The following PIGK variants were observed in gnomAD, a reference collection of about 807,000 sequenced individuals.
PIGK encodes the protein phosphatidylinositol glycan anchor biosynthesis class K, also known as GPI-anchor transamidase.
In PIGK, 42 loss-of-function variants were observed where a neutral mutation model predicts 50.6. The ratio of observed to expected loss-of-function variants is 0.83; its 90% CI spans 0.65 to 1.07. The LOEUF is 1.07. PIGK is among the 50% of genes least tolerant of loss of function. PIGK has a pLI of 0.00. For synonymous variants in PIGK, 151 were observed against 156.0 expected (o/e 0.97, Z 0.24); for missense variants, 448 against 488.7 (o/e 0.92, Z 0.78).
chr1:77,188,209 C>G (rs1392797199), intron 3 of PIGK, among the ~76,000 whole-genome samples: 1 of 152,160 alleles, frequency 6.6e-6, no homozygotes, highest in Admixed American at 6.5e-5. Context: ...CCGGGCAGAA[C>G]AGAGCCATAT....
chr1:77,180,596 G>A (rs1310689365), intron 3 of PIGK, among the ~76,000 whole-genome samples: 1 of 151,696 alleles, frequency 6.6e-6, no homozygotes, highest in Non-Finnish European at 1.5e-5. Flanking sequence ...TACCTAAGGT[G>A]GTTAGAGCAC....
At chr1:77,103,354 T>C (rs1473428821) in intron 10 of PIGK, among the ~76,000 whole-genome samples, 2 of 152,208 alleles carry the variant, frequency 1.3e-5, no homozygotes, top group Admixed American at 6.5e-5. Flanking sequence ...CTGAGAAAAA[T>C]AACCCATAGT....
rs766998901 is a variant in PIGK at position 77,122,318 on chromosome 1, A to T, written c.1028T>A (p.Leu343Gln). 6.2e-7 allele frequency: 1 copy of T among 1,607,766 alleles called. No individual in the cohort carries two copies. Among genetic ancestry groups the T allele is most frequent in the East Asian group, 2.2e-5 (1 of 44,724 alleles). ...TACAGGAAGTTGTTCAGCATATTTCAGAGGTTCCATTAGTTTCTCATCCAT... is the reference window on the plus strand; with the variant it reads ...TACAGGAAGTTGTTCAGCATATTTCTGAGGTTCCATTAGTTTCTCATCCAT... ...DQMDEKLMEPLKYAEQLPVAQ... is the reference protein window; with the variant it reads ...DQMDEKLMEPQKYAEQLPVAQ... Residue 343 changes from leucine (L) to glutamine (Q), a missense_variant, in exon 10 of 11, where the codon CTG becomes CAG. Coordinates refer to ENST00000370812, the MANE Select transcript of PIGK (RefSeq NM_005482.3).
intron 10 of PIGK, among the ~76,000 whole-genome samples, chr1:77,097,193 C>G (rs527911760): frequency 6.6e-6 from 1 of 152,132 alleles, no homozygotes; most frequent in East Asian, 1.9e-4. Flanking sequence ...CAAATCAAGC[C>G]CTCAGTTTAG....
intron 2 of PIGK, among the ~76,000 whole-genome samples, chr1:77,208,734 A>G (rs1557432736): frequency 6.6e-6 from 1 of 152,194 alleles, no homozygotes; most frequent in Non-Finnish European, 1.5e-5. Flanking sequence ...GAACAAGAAA[A>G]TGAGCCATGG....
chr1:77,206,824 T>C, intron 2 of PIGK, 93 bp from the exon 3 acceptor site: 2 of 714,494 alleles, frequency 2.8e-6, no homozygotes, highest in Non-Finnish European at 4.9e-6. Flanking sequence ...CAGAGATCTC[T>C]AAGAAACAGT....
intron 10 of PIGK, among the ~76,000 whole-genome samples, chr1:77,098,166 T>A (rs1360409267): frequency 6.6e-6 from 1 of 152,066 alleles, no homozygotes; most frequent in East Asian, 1.9e-4. Context: ...GGAAACAAAA[T>A]CAATTTTGTT....
chr1:77,194,596 T>C (rs1008933857), intron 3 of PIGK, among the ~76,000 whole-genome samples: 3 of 123,998 alleles, frequency 2.4e-5, no homozygotes, highest in Admixed American at 2.1e-4. Context: ...TGGGTACACA[T>C]GGACACAAAG....
intron 9 of PIGK, among the ~76,000 whole-genome samples, chr1:77,137,124 C>T (rs1654537616): frequency 6.6e-6 from 1 of 152,134 alleles, no homozygotes; most frequent in Non-Finnish European, 1.5e-5. Context: ...CAAATCTAGG[C>T]CACAAAACGT....
At position 77,219,346 on chromosome 1, in the gene PIGK, G is replaced by C. The variant is rs1267870375; in HGVS notation, c.57C>G (p.Leu19=). The change falls in exon 1 of 11, where the codon CTC becomes CTG. Residue 19 remains leucine, a synonymous_variant. Coordinates refer to ENST00000370812, the MANE Select transcript of PIGK (RefSeq NM_005482.3). ...TAGCGGCCACGCTGCCGAAGGACAA[G>C]AGCAACACAGTTGCCAAGACAGTCG... ...RAATVLATVL[L]LSFGSVAASH... 6.2e-7 allele frequency: 1 copy of C among 1,613,798 alleles called. No individual in the cohort carries two copies. The highest frequency in any genetic ancestry group is 8.5e-7 in the Non-Finnish European group (1 of 1,179,830).
chr1:77,097,591 C>T (rs781543268), intron 10 of PIGK, among the ~76,000 whole-genome samples: 71 of 152,006 alleles, frequency 4.7e-4, no homozygotes, highest in Non-Finnish European at 7.5e-4. Context: ...TTTCCTTAAT[C>T]GTGATTTTAA....
chr1:77,210,458 T>C lies in PIGK; in HGVS notation c.125A>G (p.His42Arg). The C allele has an allele frequency of 6.3e-7, 1 of 1,595,076 alleles. No individual in the cohort carries two copies. The highest frequency in any genetic ancestry group is 2.2e-5 in the East Asian group (1 of 44,452). The change falls in exon 2 of 11, where the codon CAT becomes CGT. Residue 42 changes from histidine (H) to arginine (R), a missense_variant. Physicochemically the swap from His to Arg is conservative, Grantham distance 29 (BLOSUM62 0). Coordinates refer to ENST00000370812, the MANE Select transcript of PIGK (RefSeq NM_005482.3). Reference sequence around the variant, plus strand: ...TACCAGAACAGCCCAGTTGTTTGTATGGCCACTTCTAAAGAATTGTTCTGC... The same window carrying C: ...TACCAGAACAGCCCAGTTGTTTGTACGGCCACTTCTAAAGAATTGTTCTGC... ...DQAEQFFRSG[H>R]TNNWAVLVCT... is the part of the protein sequence containing the mutation.
intron 10 of PIGK, among the ~76,000 whole-genome samples, chr1:77,116,562 C>CTGTGTG (rs763119489): frequency 1.9e-3 from 253 of 135,086 alleles, no homozygotes; most frequent in African/African-American, 4.7e-3. Flanking sequence ...AAATGTGTCT[C>CTGTGTG]TGTGTGTGTG....
At chr1:77,110,124 T>G (rs907612760) in intron 10 of PIGK, among the ~76,000 whole-genome samples, 1 of 152,176 alleles carries the variant, frequency 6.6e-6, no homozygotes, top group African/African-American at 2.4e-5. Context: ...CACAAACAAA[T>G]GGAAGACTAT....
At chr1:77,152,694 CA>C (rs925115417) in intron 9 of PIGK, among the ~76,000 whole-genome samples, 4 of 149,576 alleles carry the variant, frequency 2.7e-5, no homozygotes, top group African/African-American at 1.0e-4. Flanking sequence ...AACAAAAAAA[CA>C]AAAAAAATCT....
chr1:77,179,020 G>C (rs145675253), intron 3 of PIGK, among the ~76,000 whole-genome samples: 1 of 152,166 alleles, frequency 6.6e-6, no homozygotes, highest in Non-Finnish European at 1.5e-5. Context: ...TCATGCGCTA[G>C]GCCCCAACAG....
chr1:77,176,538 C>G (rs1655493509), intron 3 of PIGK, among the ~76,000 whole-genome samples: 1 of 152,040 alleles, frequency 6.6e-6, no homozygotes, highest in Non-Finnish European at 1.5e-5. Flanking sequence ...TTAACTATGA[C>G]TATTTAAAGT....
At chr1:77,179,769 TATAG>T (rs148033901) in intron 3 of PIGK, among the ~76,000 whole-genome samples, 5,487 of 152,258 alleles carry the variant, frequency 0.036, 200 homozygotes, top group South Asian at 0.21. Flanking sequence ...AATTTGATGA[TATAG>T]ATAATGTCTG....
chr1:77,129,032 A>G (rs1654293857), intron 9 of PIGK: 2 of 757,686 alleles, frequency 2.6e-6, no homozygotes, highest in East Asian at 2.4e-5. Context: ...TACAACTGAG[A>G]CCATATGGCC....
Sources: allele counts gnomAD v4.1 joint callset (sites outside exome capture counted in the v4.1 genomes callset), GRCh38; gene constraint gnomAD v4.1.1; transcripts MANE v1.5; gene names NCBI Gene and HGNC (gene_info 2026-07-23, HGNC 2026-07-21).